Variants in HIC1 observed in about 807,000 individuals in gnomAD.
HIC1 encodes hypermethylated in cancer 1 protein.
A neutral mutation model predicts 26.4 loss-of-function variants in HIC1; 9 were observed. That is an observed-to-expected ratio of 0.34 (90% CI 0.21 to 0.59). HIC1 has a LOEUF of 0.59. Among genes scored for constraint, HIC1 ranks in the 20% least tolerant of loss-of-function variants. The pLI, the probability that HIC1 is intolerant of heterozygous loss-of-function variation, is 0.82. For missense variants in HIC1, 965 were observed against 1,075.7 expected, an observed-to-expected ratio of 0.90 and a Z score of 1.44; for synonymous variants, 631 against 523.1, an observed-to-expected ratio of 1.21 and a Z score of -2.81.
Position 2,055,364 on chromosome 17 carries a change from G to A in HIC1, c.-21+126G>A, listed in dbSNP as rs902068507. 1 of 152,218 alleles carries A rather than the reference G, an allele frequency of 6.6e-6. No homozygotes were observed. Among genetic ancestry groups the A allele is most frequent in the African/African-American group, 2.4e-5 (1 of 41,458 alleles). 9.4% of individuals were successfully genotyped at this position (152,218 alleles called of 1,614,324 possible). A position where few individuals can be genotyped will look rare whatever the true frequency, so the allele number is the denominator to read the frequency against. ...ATCGCGGCTGGCGGCTGGCGTTCAG[G>A]GCTCCGGGTGTCGTCCCTTTCGGAC... On this transcript the variant is annotated intron_variant, in intron 1 of 1. Transcript: ENST00000619757. This position sits in a 1 kb window ranked among gnomAD's most constrained non-coding sequence, Gnocchi z 6.4.
In HIC1 at chr17:2,057,377, C is replaced by T; in HGVS notation, c.687C>T (p.Ser229=). The change falls in exon 2 of 2, where the codon AGC becomes AGT. Residue 229 remains serine, a synonymous_variant. Transcript: ENST00000619757. ...GTGGCCTGGACCTGTCCAAGAAGAGCCCGCCGGGCTCCGCGGCGCCAGAGC... is the reference window on the plus strand; with the variant it reads ...GTGGCCTGGACCTGTCCAAGAAGAGTCCGCCGGGCTCCGCGGCGCCAGAGC... ...PLCGLDLSKK[S]PPGSAAPERP... The T allele has an allele frequency of 6.9e-7, 1 of 1,453,262 alleles. No individual in the cohort carries two copies. The highest frequency in any genetic ancestry group is 2.3e-4 in the Middle Eastern group (1 of 4,328). 90.0% of individuals were successfully genotyped at this position (1,453,262 alleles called of 1,614,324 possible).
In HIC1 at chr17:2,058,382, C is replaced by T. The variant is rs762706390; in HGVS notation, c.1692C>T (p.Arg564=). 2 of 1,610,894 alleles carry T rather than the reference C, an allele frequency of 1.2e-6. No homozygotes were observed. Among genetic ancestry groups the T allele is most frequent in the Non-Finnish European group, 1.7e-6 (2 of 1,179,084 alleles). Residue 564 remains arginine (R), a synonymous_variant, in exon 2 of 2, where the codon CGC becomes CGT. Coordinates refer to ENST00000619757, the MANE Select transcript of HIC1 (RefSeq NM_006497.4). ...AGTACCGCCTCACGGAGCACATGCGCATCCACTCGGGCGAGAAGCCCTACG... is the reference window on the plus strand; with the variant it reads ...AGTACCGCCTCACGGAGCACATGCGTATCCACTCGGGCGAGAAGCCCTACG... ...TRQYRLTEHM[R]IHSGEKPYEC...
rs1597309014 is a variant in HIC1 at position 2,061,263 on chromosome 17, C to G, written c.*2428C>G. The G allele has an allele frequency of 4.2e-6, 2 of 472,276 alleles. No homozygotes were observed. Among genetic ancestry groups the G allele is most frequent in the Non-Finnish European group, 7.7e-6 (2 of 260,676 alleles). The allele number at this position is 472,276 out of a possible 1,614,324, so 29.3% of individuals were successfully genotyped here. A position where few individuals can be genotyped will look rare whatever the true frequency, so the allele number is the denominator to read the frequency against. On this transcript the variant is annotated 3_prime_UTR_variant, in exon 2 of 2. Transcript: ENST00000619757. ...GTTGCTGTAGCCAGCCACCTCCCTG[C>G]TAAATCCTGGCAGCCCAGGAGGGTC... is the stretch of plus-strand genomic sequence containing the variant.
In HIC1 at chr17:2,058,043, C is replaced by T. The variant is rs1295629235; in HGVS notation, c.1353C>T (p.Ala451=). The T allele has an allele frequency of 1.3e-6, 2 of 1,585,738 alleles. No individual in the cohort carries two copies. Among genetic ancestry groups the T allele is most frequent in the African/African-American group, 1.3e-5 (1 of 74,418 alleles). The change falls in exon 2 of 2, where the codon GCC becomes GCT. Residue 451 remains alanine (A), a synonymous_variant. Transcript: ENST00000619757. Reference sequence around the variant, plus strand: ...AGGAGGAAGCGCTGTACGGCAGGGCCGAGGCGGCCGAAGTGGCCGCTGGGG... The same window carrying T: ...AGGAGGAAGCGCTGTACGGCAGGGCTGAGGCGGCCGAAGTGGCCGCTGGGG... ...VEEEEALYGR[A]EAAEVAAGAA... is the part of the protein sequence containing the mutation.
rs755132954 is a variant in HIC1 at position 2,058,217 on chromosome 17, G to A, written c.1527G>A (p.Thr509=). The stretch of plus-strand genomic sequence containing the variant: ...CCACGCTGCGGCAGCACGAGAAGAC[G>A]CACTGGCTGACCCGGCCCTACCCAT... ...DPATLRQHEK[T]HWLTRPYPCT... The change falls in exon 2 of 2, where the codon ACG becomes ACA. Residue 509 remains threonine (T), a synonymous_variant. Transcript: ENST00000619757. The A allele has an allele frequency of 6.2e-7, 1 of 1,611,620 alleles. No individual in the cohort carries two copies. The highest frequency in any genetic ancestry group is 2.2e-5 in the East Asian group (1 of 44,870).
rs1006757907 is a variant in HIC1 at position 2,060,160 on chromosome 17, G to A, written c.*1325G>A. On this transcript the variant is annotated 3_prime_UTR_variant, in exon 2 of 2. Transcript: ENST00000619757. ...CTGTGCAGTCAGGCCATGGGCTCTGGGGTATCCCCCACTGGTCCCATTAAG... is the reference window on the plus strand; with the variant it reads ...CTGTGCAGTCAGGCCATGGGCTCTGAGGTATCCCCCACTGGTCCCATTAAG... 1.3e-5 allele frequency: 2 copies of A among 152,432 alleles called. No homozygotes were observed. Among genetic ancestry groups the A allele is most frequent in the South Asian group, 2.1e-4 (1 of 4,830 alleles). The allele number at this position is 152,432 out of a possible 1,614,324, so 9.4% of individuals were successfully genotyped here. A position where few individuals can be genotyped will look rare whatever the true frequency, so the allele number is the denominator to read the frequency against.
At position 2,057,789 on chromosome 17, in the gene HIC1, G is replaced by A; in HGVS notation, c.1099G>A (p.Gly367Arg). ...PPPRYPGSLDGPGAGGDGDDY... is the reference protein window; with the variant it reads ...PPPRYPGSLDRPGAGGDGDDY... ...GCCGCGCTACCCTGGCAGCCTGGAC[G>A]GGCCCGGCGCGGGCGGCGACGGCGA... Residue 367 changes from glycine to arginine, a missense_variant, in exon 2 of 2, where the codon GGG (glycine) becomes AGG (arginine). Transcript: ENST00000619757. 2.6e-6 allele frequency: 4 copies of A among 1,522,908 alleles called. No individual in the cohort carries two copies. The highest frequency in any genetic ancestry group is 3.5e-6 in the Non-Finnish European group (4 of 1,140,564). The allele number at this position is 1,522,908 out of a possible 1,614,324, so 94.3% of individuals were successfully genotyped here. A position where few individuals can be genotyped will look rare whatever the true frequency, so the allele number is the denominator to read the frequency against.
Position 2,058,872 on chromosome 17 carries a change from G to T in HIC1, c.*37G>T. The T allele has an allele frequency of 7.3e-7, 1 of 1,378,660 alleles. No homozygotes were observed. The highest frequency in any genetic ancestry group is 1.7e-5 in the South Asian group (1 of 59,570). 85.4% of individuals were successfully genotyped at this position (1,378,660 alleles called of 1,614,324 possible). ...CCAGCCCGCTCTGTCGCTGCTGCGC[G>T]GCCCTGGCCCGCACCCCAGGGAGCG... On this transcript the variant is annotated 3_prime_UTR_variant, in exon 2 of 2. Transcript: ENST00000619757.
In HIC1 at chr17:2,061,767, C is replaced by T. The variant is rs554823794; in HGVS notation, c.*2932C>T. On this transcript the variant is annotated 3_prime_UTR_variant, in exon 2 of 2. Coordinates refer to ENST00000619757, the MANE Select transcript of HIC1 (RefSeq NM_006497.4). Reference sequence around the variant, plus strand: ...TCTTCTACCAGTCCTTTCCTCCGTCCGGGCTCTCAGCCCCGGGGACCCTCC... The same window carrying T: ...TCTTCTACCAGTCCTTTCCTCCGTCTGGGCTCTCAGCCCCGGGGACCCTCC... 1.4e-3 allele frequency: 1,328 copies of T among 961,916 alleles called. 5 individuals are homozygous for T. Among genetic ancestry groups the T allele is most frequent in the Non-Finnish European group, 1.9e-3 (1,216 of 651,860 alleles). The allele number at this position is 961,916 out of a possible 1,614,324, so 59.6% of individuals were successfully genotyped here.
chr17:2,056,888 C>T lies in HIC1; in HGVS notation c.198C>T (p.Asp66=), dbSNP rs1401140755. ...TGCATGACAACCTGCTCAACCTGGA[C>T]CATGACATGGTGAGCCCGGCCGTGT... ...LVVHDNLLNL[D]HDMVSPAVFR... Residue 66 remains aspartate, a synonymous_variant, in exon 2 of 2, where the codon GAC becomes GAT. Transcript: ENST00000619757. 6.2e-7 allele frequency: 1 copy of T among 1,612,942 alleles called. No homozygotes were observed. Among genetic ancestry groups the T allele is most frequent in the African/African-American group, 1.3e-5 (1 of 75,058 alleles).
In HIC1 at chr17:2,057,011, G is replaced by A. The variant is rs758758029; in HGVS notation, c.321G>A (p.Leu107=). 1.3e-6 allele frequency: 2 copies of A among 1,507,176 alleles called. No individual in the cohort carries two copies. The highest frequency in any genetic ancestry group is 5.5e-5 in the East Asian group (2 of 36,674). 93.4% of individuals were successfully genotyped at this position (1,507,176 alleles called of 1,614,324 possible). The part of the protein sequence containing the change: ...AAVAPGAEPS[L]GAVLAAASYL... Reference sequence around the variant, plus strand: ...TGGCCCCGGGGGCTGAGCCGAGCCTGGGCGCCGTGCTGGCCGCCGCCAGCT... The same window carrying A: ...TGGCCCCGGGGGCTGAGCCGAGCCTAGGCGCCGTGCTGGCCGCCGCCAGCT... The change falls in exon 2 of 2, where the codon CTG becomes CTA. Residue 107 remains leucine, a synonymous_variant. Coordinates refer to ENST00000619757, the MANE Select transcript of HIC1 (RefSeq NM_006497.4).
In HIC1 at chr17:2,057,407, G is replaced by C; in HGVS notation, c.717G>C (p.Pro239=). ...CGGGCTCCGCGGCGCCAGAGCGGCC[G>C]CTGGCTGAGCGCGAGCTGCCCCCGC... ...SPPGSAAPER[P]LAERELPPRP... Residue 239 remains proline, a synonymous_variant, in exon 2 of 2, where the codon CCG becomes CCC. Coordinates refer to ENST00000619757, the MANE Select transcript of HIC1 (RefSeq NM_006497.4). 2.8e-6 allele frequency: 4 copies of C among 1,433,332 alleles called. No homozygotes were observed. Among genetic ancestry groups the C allele is most frequent in the Non-Finnish European group, 3.6e-6 (4 of 1,101,216 alleles). 88.8% of individuals were successfully genotyped at this position (1,433,332 alleles called of 1,614,324 possible). A position where few individuals can be genotyped will look rare whatever the true frequency, so the allele number is the denominator to read the frequency against.
Position 2,057,865 on chromosome 17 carries a change from C to T in HIC1, c.1175C>T (p.Pro392Leu). The T allele has an allele frequency of 1.3e-6, 2 of 1,593,410 alleles. No individual in the cohort carries two copies. Among genetic ancestry groups the T allele is most frequent in the Non-Finnish European group, 1.7e-6 (2 of 1,171,026 alleles). ...ACCGGTAGCAGCGAGGACCCCAGCCCGCCTGGCGGCCACCTCGAGGGCTAC... is the reference window on the plus strand; with the variant it reads ...ACCGGTAGCAGCGAGGACCCCAGCCTGCCTGGCGGCCACCTCGAGGGCTAC... ...EETGSSEDPS[P>L]PGGHLEGYPC... The change falls in exon 2 of 2, where the codon CCG becomes CTG. Residue 392 changes from proline to leucine, a missense_variant. Pro to Leu is a moderately conservative substitution (Grantham distance 98, BLOSUM62 -3). Coordinates refer to ENST00000619757, the MANE Select transcript of HIC1 (RefSeq NM_006497.4).
Position 2,061,756 on chromosome 17 carries a change from T to C in HIC1, c.*2921T>C, listed in dbSNP as rs1056270663. On this transcript the variant is annotated 3_prime_UTR_variant, in exon 2 of 2. Coordinates refer to ENST00000619757, the MANE Select transcript of HIC1 (RefSeq NM_006497.4). ...CGTGTCTTGGCTCTTCTACCAGTCC[T>C]TTCCTCCGTCCGGGCTCTCAGCCCC... is the stretch of plus-strand genomic sequence containing the variant. 3.8e-6 allele frequency: 4 copies of C among 1,050,314 alleles called. No homozygotes were observed. The highest frequency in any genetic ancestry group is 4.4e-5 in the Admixed American group (2 of 45,680). 65.1% of individuals were successfully genotyped at this position (1,050,314 alleles called of 1,614,324 possible).
At chr17:2,056,447 C>T (rs947631850) in intron 1 of HIC1, 3 of 1,400,432 alleles carry the variant, frequency 2.1e-6, no homozygotes, top group Admixed American at 1.7e-5. Flanking sequence ...CCCTGGCCTC[C>T]CCTCCACCGG....
rs2067682077 is a variant in HIC1, at chr17:2,057,388, C to T, written c.698C>T (p.Ser233Phe). 6.9e-7 allele frequency: 1 copy of T among 1,442,942 alleles called. No homozygotes were observed. The highest frequency in any genetic ancestry group is 1.5e-5 in the African/African-American group (1 of 67,284). 89.4% of individuals were successfully genotyped at this position (1,442,942 alleles called of 1,614,324 possible). ...LDLSKKSPPG[S>F]AAPERPLAER... is the part of the protein sequence containing the mutation. ...CTGTCCAAGAAGAGCCCGCCGGGCT[C>T]CGCGGCGCCAGAGCGGCCGCTGGCT... Residue 233 changes from serine (S) to phenylalanine (F), a missense_variant, in exon 2 of 2, where the codon TCC becomes TTC. Physicochemically the swap from Ser to Phe is radical, Grantham distance 155 (BLOSUM62 -2). Coordinates refer to ENST00000619757, the MANE Select transcript of HIC1 (RefSeq NM_006497.4).
chr17:2,059,004 A>T lies in HIC1; in HGVS notation c.*169A>T. ...ACCTGGCCTCACTGCTTCGTGCCTT[A>T]GCTCGGGGGTCGGGGGAGAACCCCG... On this transcript the variant is annotated 3_prime_UTR_variant, in exon 2 of 2. Coordinates refer to ENST00000619757, the MANE Select transcript of HIC1 (RefSeq NM_006497.4). 1.8e-6 allele frequency: 1 copy of T among 558,770 alleles called. No individual in the cohort carries two copies. The allele number at this position is 558,770 out of a possible 1,614,324, so 34.6% of individuals were successfully genotyped here.
In HIC1 at chr17:2,057,772, A is replaced by T. The variant is rs1473262157; in HGVS notation, c.1082A>T (p.Tyr361Phe). 12 of 1,488,924 alleles carry T rather than the reference A, an allele frequency of 8.1e-6. No individual in the cohort carries two copies. The highest frequency in any genetic ancestry group is 9.8e-6 in the Non-Finnish European group (11 of 1,126,206). 92.2% of individuals were successfully genotyped at this position (1,488,924 alleles called of 1,614,324 possible). A position where few individuals can be genotyped will look rare whatever the true frequency, so the allele number is the denominator to read the frequency against. Residue 361 changes from tyrosine (Y) to phenylalanine (F), a missense_variant, in exon 2 of 2, where the codon TAC becomes TTC. This residue lies in a region of HIC1 where 526 missense variants were observed against 525.0 expected (regional missense o/e 1.00). Transcript: ENST00000619757. The stretch of plus-strand genomic sequence containing the variant: ...CTCGGCCTGGCGCCGCCGCCGCGCT[A>T]CCCTGGCAGCCTGGACGGGCCCGGC... ...PPLGLAPPPR[Y>F]PGSLDGPGAG...
In HIC1 at chr17:2,059,156, T is replaced by G. The variant is rs1158520181; in HGVS notation, c.*321T>G. The G allele has an allele frequency of 3.4e-6, 1 of 296,666 alleles. No homozygotes were observed. The highest frequency in any genetic ancestry group is 5.4e-5 in the Admixed American group (1 of 18,364). The allele number at this position is 296,666 out of a possible 1,614,324, so 18.4% of individuals were successfully genotyped here. On this transcript the variant is annotated 3_prime_UTR_variant, in exon 2 of 2. Transcript: ENST00000619757. ...CCCCTCCCCCGGCTCCGCGCTGCTC[T>G]TAGAGGGGGAGGGGTGTCACTGTCG...
Sources: allele counts gnomAD v4.1 joint callset, GRCh38; gene constraint gnomAD v4.1.1; regional missense constraint gnomAD v4.1.1; non-coding constraint Gnocchi (gnomAD v3.1); transcripts MANE v1.5; gene names NCBI Gene and HGNC (gene_info 2026-07-23, HGNC 2026-07-21).